SH3PXD2A: variants seen among roughly 807,000 people sequenced by gnomAD.
The protein encoded by SH3PXD2A is SH3 and PX domain-containing protein 2A.
Under a neutral mutation model 115.2 loss-of-function variants are expected in SH3PXD2A, and 32 were observed. The observed-to-expected ratio is 0.28, with a 90% CI of 0.21 to 0.37. The LOEUF is 0.37. Among genes scored for constraint, SH3PXD2A ranks in the 10% least tolerant of loss-of-function variants. The probability of loss-of-function intolerance (pLI) is 1.00; values close to 1 mark genes in which losing one functional copy is unlikely to be tolerated. For synonymous variants in SH3PXD2A, 610 were observed against 629.1 expected (o/e 0.97, Z 0.45); for missense variants, 1,328 against 1,498.7 (o/e 0.89, Z 1.88).
intron 2 of SH3PXD2A, among the ~76,000 whole-genome samples, chr10:103,792,114 G>A (rs950378409): frequency 4.6e-5 from 7 of 152,216 alleles, no homozygotes; most frequent in Non-Finnish European, 7.3e-5. Flanking sequence ...AAGAGCCGAT[G>A]GAAGCCCCAC....
chr10:103,678,677 C>T (rs960415601), intron 6 of SH3PXD2A, among the ~76,000 whole-genome samples: 1 of 152,128 alleles, frequency 6.6e-6, no homozygotes, highest in Non-Finnish European at 1.5e-5. Context: ...ATCAGCCTCT[C>T]GGGAGTTCTC....
chr10:103,624,123 G>A (rs961399318), intron 9 of SH3PXD2A, among the ~76,000 whole-genome samples: 1 of 152,212 alleles, frequency 6.6e-6, no homozygotes, highest in South Asian at 2.1e-4. Flanking sequence ...TAGACTCTTA[G>A]CACAGACTCT....
intron 1 of SH3PXD2A, among the ~76,000 whole-genome samples, chr10:103,811,996 G>A (rs2039275550): frequency 6.6e-6 from 1 of 152,204 alleles, no homozygotes; most frequent in South Asian, 2.1e-4. Context: ...ACAGTCTTTT[G>A]CACTTATGAA....
At chr10:103,795,290 C>T (rs111844056) in intron 2 of SH3PXD2A, among the ~76,000 whole-genome samples, 2,482 of 152,202 alleles carry the variant, frequency 0.016, 33 homozygotes, top group Middle Eastern at 0.027. Context: ...GACAGTACAG[C>T]TTTAAAGCCT....
chr10:103,743,559 T>TG (rs2038467044), intron 3 of SH3PXD2A, among the ~76,000 whole-genome samples: 1 of 152,082 alleles, frequency 6.6e-6, no homozygotes, highest in Non-Finnish European at 1.5e-5. Context: ...TTTATAGTGA[T>TG]GGGGTCTTGT....
chr10:103,725,346 G>A (rs2038227944), intron 4 of SH3PXD2A, among the ~76,000 whole-genome samples: 2 of 152,130 alleles, frequency 1.3e-5, no homozygotes, highest in African/African-American at 2.4e-5. Context: ...GAAGAGTGTG[G>A]AAAGGTTTCT....
intron 3 of SH3PXD2A, among the ~76,000 whole-genome samples, chr10:103,765,875 G>C (rs1185371168): frequency 6.6e-6 from 1 of 152,214 alleles, no homozygotes; most frequent in Admixed American, 6.5e-5. Flanking sequence ...GGCCAGGAAT[G>C]AAGGAGCAAT....
At chr10:103,659,143 G>A (rs2037254241) in intron 8 of SH3PXD2A, among the ~76,000 whole-genome samples, 1 of 152,224 alleles carries the variant, frequency 6.6e-6, no homozygotes, top group African/African-American at 2.4e-5. Flanking sequence ...CCAGGGTCCT[G>A]TAGATGGGAT....
In SH3PXD2A at chr10:103,602,426, C is replaced by G. The variant is rs2036231903; in HGVS notation, c.2792G>C (p.Arg931Thr). 6.2e-7 allele frequency: 1 copy of G among 1,614,050 alleles called. No individual in the cohort carries two copies. Residue 931 changes from arginine to threonine, a missense_variant, in exon 15 of 15, where the codon AGG becomes ACG. By Grantham distance (71) the Arg-to-Thr change is moderately conservative (BLOSUM62 -1). Coordinates refer to ENST00000369774, the MANE Select transcript of SH3PXD2A (RefSeq NM_001394015.1). Reference sequence around the variant, plus strand: ...GACGGTGTTCAGTGCTTGGACGCGCCTCTCGATCTTCTCCAGGCTGTCTGA... The same window carrying G: ...GACGGTGTTCAGTGCTTGGACGCGCGTCTCGATCTTCTCCAGGCTGTCTGA... ...GKSDSLEKIE[R>T]RVQALNTVNQ...
intron 5 of SH3PXD2A, among the ~76,000 whole-genome samples, chr10:103,701,354 C>T (rs2037900141): frequency 1.4e-5 from 2 of 144,756 alleles, no homozygotes; most frequent in Admixed American, 6.9e-5. Flanking sequence ...ATCCACCATC[C>T]ACCCATCATC....
chr10:103,745,503 C>T (rs1020066438), intron 3 of SH3PXD2A, among the ~76,000 whole-genome samples: 2 of 152,172 alleles, frequency 1.3e-5, no homozygotes, highest in South Asian at 2.1e-4. Flanking sequence ...AGGACTATTA[C>T]GAGGAGCCAG....
intron 5 of SH3PXD2A, among the ~76,000 whole-genome samples, chr10:103,719,061 C>CAG (rs2038144525): frequency 1.3e-5 from 2 of 152,186 alleles, no homozygotes; most frequent in African/African-American, 4.8e-5. Context: ...TCTGCTGGTG[C>CAG]CTTGGTTTAG....
chr10:103,761,695 C>A (rs896434890), intron 3 of SH3PXD2A, among the ~76,000 whole-genome samples: 1 of 152,144 alleles, frequency 6.6e-6, no homozygotes, highest in Non-Finnish European at 1.5e-5. Context: ...AATGACAGCC[C>A]GAGGGAGAGG....
intron 5 of SH3PXD2A, among the ~76,000 whole-genome samples, chr10:103,715,142 AAGG>A (rs929160859): frequency 2.0e-5 from 3 of 152,214 alleles, no homozygotes; most frequent in African/African-American, 7.2e-5. Flanking sequence ...TAATGGAGGA[AAGG>A]AGAAGAAAAA....
At chr10:103,790,436 G>A (rs1161840444) in intron 2 of SH3PXD2A, among the ~76,000 whole-genome samples, 7 of 152,274 alleles carry the variant, frequency 4.6e-5, no homozygotes, top group Middle Eastern at 3.4e-3. Context: ...TTACAGGTGT[G>A]AGCCACCGCG....
chr10:103,748,973 T>G (rs2038541767), intron 3 of SH3PXD2A, among the ~76,000 whole-genome samples: 1 of 151,262 alleles, frequency 6.6e-6, no homozygotes, highest in Non-Finnish European at 1.5e-5. Context: ...TCTTTCTTCT[T>G]TCTTTTTTTT....
Position 103,598,665 on chromosome 10 carries a change from C to G in SH3PXD2A, c.*3151G>C, listed in dbSNP as rs1428011616. On this transcript the variant is annotated 3_prime_UTR_variant, in exon 15 of 15. Coordinates refer to ENST00000369774, the MANE Select transcript of SH3PXD2A (RefSeq NM_001394015.1). Reference sequence around the variant, plus strand: ...CGATCTGGTTTTCCTCCAGATGGGTCAGAGCCCTAGGCCCCCTCCCTCCTC... The same window carrying G: ...CGATCTGGTTTTCCTCCAGATGGGTGAGAGCCCTAGGCCCCCTCCCTCCTC... 6.6e-6 allele frequency: 1 copy of G among 152,622 alleles called. No individual in the cohort carries two copies. Among genetic ancestry groups the G allele is most frequent in the East Asian group, 1.9e-4 (1 of 5,186 alleles). 9.5% of individuals were successfully genotyped at this position (152,622 alleles called of 1,614,324 possible).
chr10:103,812,043 A>G (rs1316251099), intron 1 of SH3PXD2A, among the ~76,000 whole-genome samples: 1 of 152,236 alleles, frequency 6.6e-6, no homozygotes, highest in African/African-American at 2.4e-5. Context: ...TGGGGCACCA[A>G]TAAGTGCTGG....
At chr10:103,845,449 T>C (rs1247550271) in intron 1 of SH3PXD2A, among the ~76,000 whole-genome samples, 3 of 151,450 alleles carry the variant, frequency 2.0e-5, no homozygotes, top group Non-Finnish European at 2.9e-5. Flanking sequence ...CCTCTGGTCA[T>C]CCTGACTGCT....
Sources: gnomAD v4.1 joint callset for allele counts (sites outside exome capture counted in the v4.1 genomes callset) on GRCh38, gnomAD v4.1.1 for gene constraint, MANE v1.5 for transcripts, NCBI Gene and HGNC (gene_info 2026-07-23, HGNC 2026-07-21) for gene names.